Variants in PTPRD observed in about 807,000 individuals in gnomAD.
The protein encoded by PTPRD is receptor-type tyrosine-protein phosphatase delta.
PTPRD carries 34 observed loss-of-function variants against 214.5 expected under a neutral mutation model. The observed-to-expected ratio is 0.16, with a 90% CI of 0.12 to 0.21. The LOEUF (loss-of-function observed/expected upper bound fraction) is 0.21, where lower values mean the gene tolerates loss of function less well. Ranked by LOEUF, PTPRD falls within the 10% of genes least tolerant of loss-of-function variation. The probability of loss-of-function intolerance (pLI) is 1.00; values close to 1 mark genes in which losing one functional copy is unlikely to be tolerated. For missense variants in PTPRD, 2,545 were observed against 2,398.7 expected (o/e 1.06, Z -1.27); for synonymous variants, 1,128 against 845.7 (o/e 1.33, Z -5.79).
At chr9:9,282,398 T>A (rs2133646456) in intron 9 of PTPRD, among the ~76,000 whole-genome samples, 1 of 151,424 alleles carries the variant, frequency 6.6e-6, no homozygotes, top group Admixed American at 6.6e-5. Context: ...CTCTAAGAAA[T>A]ACCTTCTAAT....
At chr9:10,407,464 C>G (rs1027548473) in intron 2 of PTPRD, among the ~76,000 whole-genome samples, 7 of 151,454 alleles carry the variant, frequency 4.6e-5, no homozygotes, top group Non-Finnish European at 7.4e-5. Context: ...AAATATATAT[C>G]CTACCTACTA....
At chr9:9,788,576 A>G (rs1393196141) in intron 5 of PTPRD, among the ~76,000 whole-genome samples, 1 of 151,776 alleles carries the variant, frequency 6.6e-6, no homozygotes. Flanking sequence ...GAAAGAAAAA[A>G]AAAAGAAAAC....
chr9:8,421,268 T>C (rs2094340169), intron 35 of PTPRD, among the ~76,000 whole-genome samples: 1 of 152,154 alleles, frequency 6.6e-6, no homozygotes, highest in Admixed American at 6.5e-5. Flanking sequence ...TCCCTCTTTC[T>C]CTCATTCCTT....
chr9:8,563,328 G>C (rs1007372984), intron 14 of PTPRD, among the ~76,000 whole-genome samples: 11 of 151,878 alleles, frequency 7.2e-5, no homozygotes, highest in Non-Finnish European at 1.5e-4. Context: ...GTATGTTTTA[G>C]ATATGTGCAG....
chr9:9,381,004 C>A (rs2062056735), intron 9 of PTPRD, among the ~76,000 whole-genome samples: 1 of 151,940 alleles, frequency 6.6e-6, no homozygotes. Context: ...AATAGCTATT[C>A]GTATTTCTTT....
At chr9:9,579,891 C>G (rs1440560916) in intron 7 of PTPRD, among the ~76,000 whole-genome samples, 3 of 152,090 alleles carry the variant, frequency 2.0e-5, no homozygotes, top group Non-Finnish European at 4.4e-5. Context: ...GTCAATCAAC[C>G]CAAGCTCTAA....
chr9:8,786,524 C>T (rs553500024), intron 11 of PTPRD, among the ~76,000 whole-genome samples: 7 of 150,704 alleles, frequency 4.6e-5, no homozygotes, highest in South Asian at 4.2e-4. Context: ...GATCTGTTCT[C>T]CCACCTCAGT....
At chr9:8,754,289 A>G (rs1015957975) in intron 11 of PTPRD, among the ~76,000 whole-genome samples, 1 of 152,242 alleles carries the variant, frequency 6.6e-6, no homozygotes, top group African/African-American at 2.4e-5. Flanking sequence ...GCAAAAACAC[A>G]AGAATAGCCA....
At chr9:9,937,648 T>G (rs73643825) in intron 5 of PTPRD, among the ~76,000 whole-genome samples, 14 of 152,234 alleles carry the variant, frequency 9.2e-5, no homozygotes, top group African/African-American at 2.6e-4. Flanking sequence ...ACTTATTACA[T>G]GTTTCTTGTA....
At chr9:8,909,786 T>TAGAC (rs2098734253) in intron 11 of PTPRD, among the ~76,000 whole-genome samples, 1 of 138,162 alleles carries the variant, frequency 7.2e-6, no homozygotes, top group Admixed American at 8.2e-5. Context: ...GAGATAGAGA[T>TAGAC]AGAGATAGAC....
intron 2 of PTPRD, among the ~76,000 whole-genome samples, chr9:10,479,004 A>C (rs2099080381): frequency 6.6e-6 from 1 of 152,162 alleles, no homozygotes; most frequent in South Asian, 2.1e-4. Flanking sequence ...AAAGCCCTTC[A>C]AAAACGATGA....
At chr9:9,446,667 G>T (rs891782921) in intron 8 of PTPRD, among the ~76,000 whole-genome samples, 2 of 152,094 alleles carry the variant, frequency 1.3e-5, no homozygotes, top group Non-Finnish European at 2.9e-5. Flanking sequence ...CTCCAAATGG[G>T]ATCTAATTAA....
At chr9:9,160,556 AG>A (rs1262502157) in intron 10 of PTPRD, among the ~76,000 whole-genome samples, 1 of 152,188 alleles carries the variant, frequency 6.6e-6, no homozygotes, top group Admixed American at 6.6e-5. Context: ...TGTGGTGAAA[AG>A]TGAACACTTG....
chr9:9,420,532 A>C (rs1372967394), intron 8 of PTPRD, among the ~76,000 whole-genome samples: 4 of 151,916 alleles, frequency 2.6e-5, no homozygotes, highest in African/African-American at 9.7e-5. Flanking sequence ...AAATTTTACA[A>C]ATGTGAATAA....
intron 11 of PTPRD, among the ~76,000 whole-genome samples, chr9:8,912,673 C>T (rs552887328): frequency 3.9e-5 from 6 of 152,036 alleles, no homozygotes; most frequent in Admixed American, 1.3e-4. Flanking sequence ...AAAGGTTTTA[C>T]TAAAAATAAA....
intron 2 of PTPRD, among the ~76,000 whole-genome samples, chr9:10,541,534 T>C (rs2059108298): frequency 6.6e-6 from 1 of 151,944 alleles, no homozygotes; most frequent in African/African-American, 2.4e-5. Context: ...CTTATCTCCT[T>C]ATATATATTT....
chr9:9,704,971 C>T (rs2097571925), intron 7 of PTPRD, among the ~76,000 whole-genome samples: 1 of 152,134 alleles, frequency 6.6e-6, no homozygotes, highest in African/African-American at 2.4e-5. Context: ...TGTTTTAAGC[C>T]ACTAAATTTT....
intron 11 of PTPRD, among the ~76,000 whole-genome samples, chr9:9,009,047 A>T (rs148175725): frequency 8.5e-4 from 130 of 152,308 alleles, no homozygotes; most frequent in Non-Finnish European, 1.6e-3. Flanking sequence ...ACAAACAATA[A>T]CAACAAAACC....
At chr9:8,970,125 A>C (rs1589085321) in intron 11 of PTPRD, among the ~76,000 whole-genome samples, 1 of 152,086 alleles carries the variant, frequency 6.6e-6, no homozygotes, top group East Asian at 1.9e-4. Flanking sequence ...ATAACTAGAA[A>C]TTCTAGACTC....
Sources: gnomAD v4.1 joint callset for allele counts (sites outside exome capture counted in the v4.1 genomes callset) on GRCh38, gnomAD v4.1.1 for gene constraint, MANE v1.5 for transcripts, NCBI Gene and HGNC (gene_info 2026-07-23, HGNC 2026-07-21) for gene names.